RBFOX3: variants seen among roughly 807,000 people sequenced by gnomAD.
RBFOX3 encodes RNA binding protein fox-1 homolog 3.
Under a neutral mutation model 48.7 loss-of-function variants are expected in RBFOX3, and 17 were observed. That is an observed-to-expected ratio of 0.35 (90% CI 0.24 to 0.52). The LOEUF (loss-of-function observed/expected upper bound fraction) is 0.52, where lower values mean the gene tolerates loss of function less well. Among genes scored for constraint, RBFOX3 ranks in the 20% least tolerant of loss-of-function variants. The probability of loss-of-function intolerance (pLI) is 0.94; values close to 1 mark genes in which losing one functional copy is unlikely to be tolerated. For synonymous variants in RBFOX3, 212 were observed against 209.5 expected, an observed-to-expected ratio of 1.01 and a Z score of -0.10; for missense variants, 382 against 497.5, an observed-to-expected ratio of 0.77 and a Z score of 2.21.
chr17:79,528,852 G>A (rs1404641202), intron 1 of RBFOX3, among the ~76,000 whole-genome samples: 7 of 152,134 alleles, frequency 4.6e-5, no homozygotes, highest in African/African-American at 9.7e-5. Context: ...GGGGATGACC[G>A]CCCAGCAGCC....
chr17:79,551,255 G>T (rs949414497), intron 1 of RBFOX3, among the ~76,000 whole-genome samples: 1 of 152,144 alleles, frequency 6.6e-6, no homozygotes, highest in Middle Eastern at 3.4e-3. Context: ...CCCAGCCCCT[G>T]GTTTCTGCTG....
intron 2 of RBFOX3, among the ~76,000 whole-genome samples, chr17:79,340,537 G>A: frequency 6.6e-6 from 1 of 152,164 alleles, no homozygotes; most frequent in East Asian, 1.9e-4. Flanking sequence ...GCATGGGGCA[G>A]AGTGACTTCA....
At chr17:79,287,310 T>C (rs1021796672) in intron 3 of RBFOX3, among the ~76,000 whole-genome samples, 6 of 152,118 alleles carry the variant, frequency 3.9e-5, no homozygotes, top group East Asian at 1.9e-4. Context: ...CTGACCCCCA[T>C]AGCACTCCCC....
chr17:79,146,124 T>C (rs2042986094), intron 4 of RBFOX3, among the ~76,000 whole-genome samples: 1 of 152,152 alleles, frequency 6.6e-6, no homozygotes, highest in African/African-American at 2.4e-5. Flanking sequence ...GAAGAGCGGA[T>C]ATGAATACAG....
chr17:79,416,476 C>T (rs983189396), intron 2 of RBFOX3, among the ~76,000 whole-genome samples: 3 of 152,236 alleles, frequency 2.0e-5, no homozygotes, highest in Non-Finnish European at 4.4e-5. Context: ...CCATCAAGGA[C>T]GCCCAATGGT....
chr17:79,592,607 C>A (rs2093454331), intron 1 of RBFOX3, among the ~76,000 whole-genome samples: 1 of 151,978 alleles, frequency 6.6e-6, no homozygotes, highest in South Asian at 2.1e-4. Flanking sequence ...GGAGTGGTTC[C>A]CTCCCCACAC....
At chr17:79,382,591 C>A (rs1370069303) in intron 2 of RBFOX3, among the ~76,000 whole-genome samples, 2 of 152,210 alleles carry the variant, frequency 1.3e-5, no homozygotes, top group African/African-American at 2.4e-5. Flanking sequence ...GGAAGCCAAC[C>A]CTTGCGGTCA....
At chr17:79,594,101 CACA>C (rs1364547039) in intron 1 of RBFOX3, among the ~76,000 whole-genome samples, 2 of 152,130 alleles carry the variant, frequency 1.3e-5, no homozygotes, top group Admixed American at 6.5e-5. Context: ...CCTGCATTCT[CACA>C]ACATTGATTA....
chr17:79,360,457 T>C (rs1366786984), intron 2 of RBFOX3, among the ~76,000 whole-genome samples: 2 of 152,196 alleles, frequency 1.3e-5, no homozygotes, highest in African/African-American at 4.8e-5. Flanking sequence ...CCCCCACCCG[T>C]CAGCTTCTGC....
At chr17:79,365,573 GC>G (rs1226072069) in intron 2 of RBFOX3, among the ~76,000 whole-genome samples, 1 of 152,272 alleles carries the variant, frequency 6.6e-6, no homozygotes, top group Non-Finnish European at 1.5e-5. Context: ...GACAATGAGT[GC>G]CCACTGAAGC....
At chr17:79,639,489 A>G in the RBFOX3 span, among the ~76,000 whole-genome samples, 1 of 152,174 alleles carries the variant, frequency 6.6e-6, no homozygotes, top group Non-Finnish European at 1.5e-5. Context: ...AGCTAATTTT[A>G]TGAGGCTAGC....
chr17:79,281,218 G>C (rs1164386849), intron 3 of RBFOX3, among the ~76,000 whole-genome samples: 1 of 152,274 alleles, frequency 6.6e-6, no homozygotes, highest in African/African-American at 2.4e-5. Flanking sequence ...TTTGGATAAT[G>C]ATGGGACTAC....
intron 4 of RBFOX3, among the ~76,000 whole-genome samples, chr17:79,172,812 G>GT (rs1406955261): frequency 2.0e-5 from 3 of 152,248 alleles, no homozygotes; most frequent in Non-Finnish European, 4.4e-5. Flanking sequence ...ATCTCTCATA[G>GT]TTTATCTCAT....
At position 79,217,064 on chromosome 17, in the gene RBFOX3, G is replaced by A. The variant is rs570603353; in HGVS notation, c.-34+18702C>T. The stretch of plus-strand genomic sequence containing the variant: ...TGGGCCTCTCTCACAGAACAGCAGT[G>A]ACCTCCACACCCTTGCTACCAAGGG... On this transcript the variant is annotated intron_variant, in intron 4 of 14. Coordinates refer to ENST00000693108, the MANE Select transcript of RBFOX3 (RefSeq NM_001350451.2). 5.3e-5 allele frequency among the ~76,000 whole-genome samples: 8 copies of A among 152,308 alleles called. No individual in the cohort carries two copies. In the South Asian group the frequency reaches 1.7e-3, roughly 32 times the overall value.
chr17:79,463,503 TCGC>T, intron 2 of RBFOX3, among the ~76,000 whole-genome samples: 1 of 20,718 alleles, frequency 4.8e-5, no homozygotes, highest in Non-Finnish European at 1.1e-4. Flanking sequence ...GCCACTGCCA[TCGC>T]CACTGCCACC....
intron 4 of RBFOX3, among the ~76,000 whole-genome samples, chr17:79,151,881 GA>G (rs2144854583): frequency 1.2e-5 from 1 of 83,788 alleles, no homozygotes; most frequent in South Asian, 5.0e-4. Context: ...GAGGGGAGGC[GA>G]TGGGAGGGGA....
At chr17:79,536,551 C>G (rs2088787185) in intron 1 of RBFOX3, among the ~76,000 whole-genome samples, 1 of 152,282 alleles carries the variant, frequency 6.6e-6, no homozygotes, top group Non-Finnish European at 1.5e-5. Context: ...TCAGCCCCGT[C>G]AACGGTGATC....
At chr17:79,187,447 G>A (rs74001654) in intron 4 of RBFOX3, among the ~76,000 whole-genome samples, 15,609 of 152,248 alleles carry the variant, frequency 0.1, 825 homozygotes, top group South Asian at 0.12. Flanking sequence ...GCGCCAAGCC[G>A]AGCCTTCATC....
intron 3 of RBFOX3, among the ~76,000 whole-genome samples, chr17:79,264,043 C>T (rs1468142389): frequency 6.6e-6 from 1 of 151,258 alleles, no homozygotes; most frequent in African/African-American, 2.4e-5. Context: ...GCTGGAAAGG[C>T]AGGAAGGACC....
Sources: allele counts gnomAD v4.1 joint callset (sites outside exome capture counted in the v4.1 genomes callset), GRCh38; gene constraint gnomAD v4.1.1; transcripts MANE v1.5; gene names NCBI Gene and HGNC (gene_info 2026-07-23, HGNC 2026-07-21).